The following TMEM260 variants were observed in gnomAD, a reference collection of about 807,000 sequenced individuals.
TMEM260 encodes protein O-mannosyl-transferase TMEM260.
TMEM260 carries 82 observed loss-of-function variants against 88.9 expected under a neutral mutation model. The observed-to-expected ratio is 0.92, with a 90% CI of 0.77 to 1.11. The LOEUF is 1.11. Among genes scored for constraint, TMEM260 ranks in the 50% least tolerant of loss-of-function variants. The pLI, the probability that TMEM260 is intolerant of heterozygous loss-of-function variation, is 0.00. For missense variants in TMEM260, 902 were observed against 853.4 expected (o/e 1.06, Z -0.71); for synonymous variants, 314 against 309.3 (o/e 1.02, Z -0.16).
chr14:56,636,147 G>T (rs895485848), intron 14 of TMEM260, among the ~76,000 whole-genome samples: 1 of 152,186 alleles, frequency 6.6e-6, no homozygotes, highest in African/African-American at 2.4e-5. Context: ...GGCACACATG[G>T]CATGAGCTTC....
chr14:56,640,007 C>T (rs1021432879), intron 15 of TMEM260, among the ~76,000 whole-genome samples: 7 of 152,310 alleles, frequency 4.6e-5, no homozygotes, highest in African/African-American at 1.4e-4. Flanking sequence ...GGGTAGAGCC[C>T]ACCACAGCTC....
intron 14 of TMEM260, among the ~76,000 whole-genome samples, chr14:56,635,382 G>A (rs1415893705): frequency 6.6e-6 from 1 of 152,158 alleles, no homozygotes; most frequent in Non-Finnish European, 1.5e-5. Flanking sequence ...TGGAGGCCAG[G>A]CACTGGGCTA....
intron 1 of TMEM260, 133 bp downstream of exon 1, chr14:56,580,207 C>A: frequency 1.5e-6 from 1 of 683,220 alleles, no homozygotes; most frequent in Non-Finnish European, 2.1e-6. Flanking sequence ...CTGTGCACAG[C>A]GCACTATTGT....
At chr14:56,654,540 C>T (rs747182364), downstream of TMEM260, among the ~76,000 whole-genome samples, 1 of 151,316 alleles carries the variant, frequency 6.6e-6, no homozygotes, top group Non-Finnish European at 1.5e-5. Flanking sequence ...GAATGTCAGG[C>T]GGGTGCAGTG....
At chr14:56,659,515 G>GGACCTGGGTGA in the TMEM260 span, among the ~76,000 whole-genome samples, 1 of 152,188 alleles carries the variant, frequency 6.6e-6, no homozygotes. Context: ...CTGTCTAGGT[G>GGACCTGGGTGA]GACCTGGGTG....
Position 56,603,927 on chromosome 14 carries a change from G to T in TMEM260, c.457G>T (p.Val153Leu), listed in dbSNP as rs1886732529. ...AEVFSLNNLF[V>L]GLLMALTVHF... Reference sequence around the variant, plus strand: ...GGTTTTTAGCTTAAACAATCTCTTTGTGGGGCTGCTTATGGCTCTTACTGT... The same window carrying T: ...GGTTTTTAGCTTAAACAATCTCTTTTTGGGGCTGCTTATGGCTCTTACTGT... Residue 153 changes from valine (V) to leucine (L), a missense_variant, in exon 4 of 16, where the codon GTG (valine) becomes TTG (leucine). Transcript: ENST00000261556. 1 of 1,613,048 alleles carries T rather than the reference G, an allele frequency of 6.2e-7. No individual in the cohort carries two copies. The highest frequency in any genetic ancestry group is 1.1e-5 in the South Asian group (1 of 90,958).
In TMEM260 at chr14:56,609,212, C is replaced by T. The variant is rs143322863; in HGVS notation, c.743C>T (p.Thr248Ile). The T allele has an allele frequency of 4.3e-5, 69 of 1,613,968 alleles. No individual in the cohort carries two copies. Among genetic ancestry groups the T allele is most frequent in the Non-Finnish European group, 5.3e-5 (63 of 1,180,036 alleles). The change falls in exon 6 of 16, where the codon ACC becomes ATC. Residue 248 changes from threonine to isoleucine, a missense_variant. By Grantham distance (89) the Thr-to-Ile change is moderately conservative. Coordinates refer to ENST00000261556, the MANE Select transcript of TMEM260 (RefSeq NM_017799.4). ...ISSYLNHARW[T>I]WGDQTTLQGF... ...TCTTACCTTAATCACGCCCGGTGGA[C>T]CTGGGGAGACCAGACAACACTGCAA...
At chr14:56,598,314 G>C (rs559517946) in intron 3 of TMEM260, among the ~76,000 whole-genome samples, 6 of 152,106 alleles carry the variant, frequency 3.9e-5, no homozygotes, top group Non-Finnish European at 7.4e-5. Context: ...ACATCAACTC[G>C]GTAAAGTGTG....
At chr14:56,653,756 C>CAAAACAAAAA (rs1335242053), downstream of TMEM260, among the ~76,000 whole-genome samples, 1 of 45,698 alleles carries the variant, frequency 2.2e-5, no homozygotes, top group African/African-American at 7.1e-5. Context: ...AAAAAAAAAA[C>CAAAACAAAAA]AGGACATCAA....
intron 15 of TMEM260, chr14:56,638,459 C>A (rs1378177554): frequency 6.6e-6 from 1 of 152,148 alleles, no homozygotes; most frequent in African/African-American, 2.4e-5. Context: ...CTTACTGATA[C>A]TTTATATTCT....
chr14:56,625,462 T>C lies in TMEM260; in HGVS notation c.1479T>C (p.Pro493=). The C allele has an allele frequency of 6.2e-7, 1 of 1,613,552 alleles. No homozygotes were observed. The highest frequency in any genetic ancestry group is 8.5e-7 in the Non-Finnish European group (1 of 1,179,504). The change falls in exon 12 of 16, where the codon CCT becomes CCC. Residue 493 remains proline, a synonymous_variant. Transcript: ENST00000261556. ...ACTTTCCTGGGAACCGGTGGAATCC[T>C]GTGGAAGGAATATTACCTAGTGGAA... The part of the protein sequence containing the change: ...GVNFPGNRWN[P]VEGILPSGMV...
rs547902965 is a variant in TMEM260, at chr14:56,621,721, T to A, written c.1398+19T>A. 3.3e-4 allele frequency: 528 copies of A among 1,583,828 alleles called. 4 individuals are homozygous for A. In the South Asian group the frequency reaches 5.9e-3, roughly 18 times the overall value. On this transcript the variant is annotated intron_variant, in intron 11 of 15. Coordinates refer to ENST00000261556, the MANE Select transcript of TMEM260 (RefSeq NM_017799.4). The stretch of plus-strand genomic sequence containing the variant: ...TCAGGAAGTAAGTATATGAAAAATA[T>A]ACTTAGAATATAGCGATGATTTAAA...
At chr14:56,582,227 T>C in intron 1 of TMEM260, among the ~76,000 whole-genome samples, 1 of 152,224 alleles carries the variant, frequency 6.6e-6, no homozygotes, top group East Asian at 1.9e-4. Context: ...AAGCATGTAT[T>C]CTTCTTCCTG....
the TMEM260 span, among the ~76,000 whole-genome samples, chr14:56,658,934 T>G: frequency 6.6e-6 from 1 of 152,154 alleles, no homozygotes; most frequent in Admixed American, 6.5e-5. Flanking sequence ...TTCTCCATGT[T>G]GGCCAGGCTG....
At chr14:56,624,324 A>G (rs1178961544) in intron 11 of TMEM260, among the ~76,000 whole-genome samples, 4 of 152,340 alleles carry the variant, frequency 2.6e-5, no homozygotes, top group African/African-American at 9.6e-5. Context: ...CTGTAATCCC[A>G]GAACTTTGGG....
rs371332026 is a variant in TMEM260 at position 56,585,742 on chromosome 14, G to A, written c.193-19G>A. 2 of 1,609,496 alleles carry A rather than the reference G, an allele frequency of 1.2e-6. No individual in the cohort carries two copies. Among genetic ancestry groups the A allele is most frequent in the East Asian group, 2.2e-5 (1 of 44,814 alleles). On this transcript the variant is annotated intron_variant, in intron 2 of 15. Coordinates refer to ENST00000261556, the MANE Select transcript of TMEM260 (RefSeq NM_017799.4). ...TTTCCTAGATGAAAACCTTCTAACT[G>A]TTGCTAATTTTTCCGTAGGTTGCCC...
intron 1 of TMEM260, among the ~76,000 whole-genome samples, chr14:56,581,077 A>G (rs1476649461): frequency 6.6e-6 from 1 of 152,180 alleles, no homozygotes; most frequent in Non-Finnish European, 1.5e-5. Flanking sequence ...GGAGAAACGC[A>G]ATCTAGTTCT....
In TMEM260 at chr14:56,593,832, C is replaced by T. The variant is rs528089283; in HGVS notation, c.344+7920C>T. Among the ~76,000 whole-genome samples the T allele has an allele frequency of 4.1e-4, 62 of 150,532 alleles. No homozygotes were observed. In the East Asian group the frequency reaches 5.4e-3, roughly 13 times the overall value. ...CCTCCCGAGTAGCTGGGACTACAGGCGCCCGCCACCGCGCCCGGCTAATTT... is the reference window on the plus strand; with the variant it reads ...CCTCCCGAGTAGCTGGGACTACAGGTGCCCGCCACCGCGCCCGGCTAATTT... On this transcript the variant is annotated intron_variant, in intron 3 of 15. Transcript: ENST00000261556.
At chr14:56,651,645 A>G (rs1273172106), downstream of TMEM260, among the ~76,000 whole-genome samples, 1 of 152,250 alleles carries the variant, frequency 6.6e-6, no homozygotes, top group African/African-American at 2.4e-5. Context: ...TTATGGGGCT[A>G]TACTCCTATC....
Sources: allele counts gnomAD v4.1 joint callset (sites outside exome capture counted in the v4.1 genomes callset), GRCh38; gene constraint gnomAD v4.1.1; transcripts MANE v1.5; gene names NCBI Gene and HGNC (gene_info 2026-07-23, HGNC 2026-07-21).